Variants in TBC1D5 observed in about 807,000 individuals in gnomAD.
TBC1D5 encodes TBC1 domain family, member 5.
A neutral mutation model predicts 100.3 loss-of-function variants in TBC1D5; 75 were observed. That is an observed-to-expected ratio of 0.75 (90% CI 0.62 to 0.91). TBC1D5 has a LOEUF of 0.91. Among genes scored for constraint, TBC1D5 ranks in the 40% least tolerant of loss-of-function variants. TBC1D5 has a pLI of 0.00. For missense variants in TBC1D5, 910 were observed against 942.4 expected (o/e 0.97, Z 0.45); for synonymous variants, 323 against 325.6 (o/e 0.99, Z 0.09).
chr3:17,605,072 C>T (rs934336414), intron 2 of TBC1D5, among the ~76,000 whole-genome samples: 1 of 152,170 alleles, frequency 6.6e-6, no homozygotes, highest in Non-Finnish European at 1.5e-5. Flanking sequence ...GGATAATGTT[C>T]TTCAACAAAA....
intron 3 of TBC1D5, among the ~76,000 whole-genome samples, chr3:17,477,694 A>ACCATAGTT (rs2095454845): frequency 1.3e-5 from 2 of 152,030 alleles, no homozygotes; most frequent in Admixed American, 1.3e-4. Flanking sequence ...CATTTATGTA[A>ACCATAGTT]CCATAGTTTT....
intron 13 of TBC1D5, among the ~76,000 whole-genome samples, chr3:17,319,650 C>T (rs1559624098): frequency 6.6e-6 from 1 of 151,962 alleles, no homozygotes; most frequent in African/African-American, 2.4e-5. Flanking sequence ...GCGGGCGGAT[C>T]ACAAGGTCAG....
At chr3:17,434,026 C>T (rs1382236200) in intron 3 of TBC1D5, among the ~76,000 whole-genome samples, 2 of 152,230 alleles carry the variant, frequency 1.3e-5, no homozygotes, top group Non-Finnish European at 2.9e-5. Flanking sequence ...CTCCCACGGC[C>T]TTGGGTAGCT....
chr3:17,429,296 T>C (rs2094404454), intron 3 of TBC1D5, among the ~76,000 whole-genome samples: 1 of 152,050 alleles, frequency 6.6e-6, no homozygotes, highest in Admixed American at 6.6e-5. Context: ...CCCGTTGTTA[T>C]ATATTCTTAT....
chr3:17,256,628 A>G (rs2077710963), intron 16 of TBC1D5, among the ~76,000 whole-genome samples: 2 of 152,140 alleles, frequency 1.3e-5, no homozygotes, highest in Non-Finnish European at 2.9e-5. Context: ...AAAAATTCAT[A>G]TAACAAATAT....
intron 4 of TBC1D5, among the ~76,000 whole-genome samples, chr3:17,428,107 C>T (rs1405038802): frequency 6.6e-6 from 1 of 151,578 alleles, no homozygotes; most frequent in African/African-American, 2.4e-5. Context: ...GCTTTAGTAC[C>T]GTAACAGATA....
intron 2 of TBC1D5, among the ~76,000 whole-genome samples, chr3:17,598,633 G>A (rs2060730338): frequency 1.3e-5 from 2 of 152,028 alleles, no homozygotes; most frequent in African/African-American, 4.8e-5. Flanking sequence ...AACCAAAACT[G>A]TTTGTGCTGC....
chr3:17,683,286 T>C (rs1482393117), intron 1 of TBC1D5, among the ~76,000 whole-genome samples: 1 of 151,418 alleles, frequency 6.6e-6, no homozygotes, highest in Admixed American at 6.6e-5. Flanking sequence ...AACATTATTT[T>C]TTTTAAGGAA....
At chr3:17,573,239 T>C (rs1007821574) in intron 2 of TBC1D5, among the ~76,000 whole-genome samples, 1 of 152,076 alleles carries the variant, frequency 6.6e-6, no homozygotes, top group South Asian at 2.1e-4. Context: ...TCTTCTCAGA[T>C]GCAACCAACT....
At chr3:17,660,505 G>A (rs180912345) in intron 1 of TBC1D5, among the ~76,000 whole-genome samples, 37 of 152,298 alleles carry the variant, frequency 2.4e-4, no homozygotes, top group African/African-American at 8.2e-4. Flanking sequence ...CTGGTCCAGA[G>A]ATAACATATG....
At chr3:17,697,176 T>C (rs1426507037) in intron 1 of TBC1D5, among the ~76,000 whole-genome samples, 6 of 152,170 alleles carry the variant, frequency 3.9e-5, no homozygotes, top group African/African-American at 1.2e-4. Context: ...CCGGAAGCAT[T>C]TCCTTGGAAA....
intron 16 of TBC1D5, among the ~76,000 whole-genome samples, chr3:17,244,688 A>C (rs996129708): frequency 2.0e-5 from 3 of 152,158 alleles, no homozygotes; most frequent in Middle Eastern, 3.2e-3. Context: ...AGACAGAAAC[A>C]ATATTCTCTT....
intron 1 of TBC1D5, among the ~76,000 whole-genome samples, chr3:17,647,240 C>T (rs2065094553): frequency 6.6e-6 from 1 of 152,038 alleles, no homozygotes. Context: ...AGTATAGTTC[C>T]AGAAGCTAGA....
At chr3:17,455,101 T>C (rs536784131) in intron 3 of TBC1D5, among the ~76,000 whole-genome samples, 56 of 148,134 alleles carry the variant, frequency 3.8e-4, no homozygotes, top group Middle Eastern at 3.5e-3. Flanking sequence ...TGTCCTAAAA[T>C]GTATATGGAA....
At chr3:17,475,551 ACAAG>A (rs1169288606) in intron 3 of TBC1D5, among the ~76,000 whole-genome samples, 3 of 152,020 alleles carry the variant, frequency 2.0e-5, no homozygotes, top group African/African-American at 7.2e-5. Context: ...GCAATCATCA[ACAAG>A]TAGTTTTCTC....
intron 3 of TBC1D5, among the ~76,000 whole-genome samples, chr3:17,445,795 G>C (rs2094777354): frequency 6.6e-6 from 1 of 152,178 alleles, no homozygotes; most frequent in Admixed American, 6.5e-5. Flanking sequence ...ATAGGGTTCA[G>C]TACTATCTGT....
chr3:17,407,449 T>C (rs2093801232), intron 4 of TBC1D5, among the ~76,000 whole-genome samples: 1 of 152,120 alleles, frequency 6.6e-6, no homozygotes, highest in Admixed American at 6.6e-5. Flanking sequence ...TAACTTAACA[T>C]TTATTATCAA....
At chr3:17,664,162 C>T (rs941911385) in intron 1 of TBC1D5, among the ~76,000 whole-genome samples, 2 of 152,108 alleles carry the variant, frequency 1.3e-5, no homozygotes, top group Non-Finnish European at 2.9e-5. Flanking sequence ...CACCACCTCC[C>T]GGGTTCAAGC....
intron 2 of TBC1D5, among the ~76,000 whole-genome samples, chr3:17,557,583 C>T (rs1015026327): frequency 6.6e-6 from 1 of 152,088 alleles, no homozygotes; most frequent in East Asian, 1.9e-4. Context: ...CAGGGTCTCA[C>T]TCTGTCACCC....
Sources: allele counts gnomAD v4.1 joint callset (sites outside exome capture counted in the v4.1 genomes callset), GRCh38; gene constraint gnomAD v4.1.1; transcripts MANE v1.5; gene names NCBI Gene and HGNC (gene_info 2026-07-23, HGNC 2026-07-21).